Variants in RASSF8 observed in about 807,000 individuals in gnomAD.
RASSF8 encodes Ras association domain family member 8, also known as ras association domain-containing protein 8.
RASSF8 carries 22 observed loss-of-function variants against 48.5 expected under a neutral mutation model. That is an observed-to-expected ratio of 0.45 (90% CI 0.32 to 0.65). RASSF8 has a LOEUF of 0.65. RASSF8 is among the 30% of genes least tolerant of loss of function. The pLI, the probability that RASSF8 is intolerant of heterozygous loss-of-function variation, is 0.03. For synonymous variants in RASSF8, 127 were observed against 171.5 expected (o/e 0.74, Z 2.03); for missense variants, 418 against 489.2 (o/e 0.85, Z 1.37).
In RASSF8 at chr12:26,064,657, C is replaced by T; in HGVS notation, c.263C>T (p.Pro88Leu). 6.2e-7 allele frequency: 1 copy of T among 1,614,056 alleles called. No individual in the cohort carries two copies. The highest frequency in any genetic ancestry group is 8.5e-7 in the Non-Finnish European group (1 of 1,179,978). ...ACTGGGCCGTCTCTCAGTGAGCGAC[C>T]CACTTCAGACAGTGTGGCTCGAATT... ...RRTGPSLSER[P>L]TSDSVARIPE... Residue 88 changes from proline (P) to leucine (L), a missense_variant, in exon 4 of 6, where the codon CCC becomes CTC. Pro to Leu is a moderately conservative substitution (Grantham distance 98). Transcript: ENST00000689635.
At chr12:26,019,591 G>C (rs866041278) in intron 2 of RASSF8, among the ~76,000 whole-genome samples, 1 of 138,930 alleles carries the variant, frequency 7.2e-6, no homozygotes, top group Non-Finnish European at 1.5e-5. Flanking sequence ...GTGTGTGTGT[G>C]TGTGTGTGTG....
intron 2 of RASSF8, among the ~76,000 whole-genome samples, chr12:26,026,588 A>G (rs1342646127): frequency 6.6e-6 from 1 of 152,112 alleles, no homozygotes; most frequent in African/African-American, 2.4e-5. Context: ...GGCACACACC[A>G]CCATGCCCGG....
chr12:26,049,155 G>T (rs955863240), intron 2 of RASSF8, among the ~76,000 whole-genome samples: 2 of 152,166 alleles, frequency 1.3e-5, no homozygotes, highest in East Asian at 3.9e-4. Context: ...TGTCACAGAA[G>T]AATTCAGTCT....
intron 1 of RASSF8, among the ~76,000 whole-genome samples, chr12:25,966,111 C>T (rs1238774487): frequency 3.3e-5 from 5 of 152,170 alleles, no homozygotes; most frequent in Admixed American, 3.3e-4. Context: ...AACTGCCAAA[C>T]TGTTTTCCCA....
intron 2 of RASSF8, among the ~76,000 whole-genome samples, chr12:26,017,110 A>G (rs1173301044): frequency 1.3e-5 from 2 of 151,536 alleles, no homozygotes; most frequent in Admixed American, 1.3e-4. Flanking sequence ...TTTAGCCATA[A>G]GTAAATGAAA....
At chr12:26,025,625 A>C (rs1942894902) in intron 2 of RASSF8, among the ~76,000 whole-genome samples, 1 of 151,954 alleles carries the variant, frequency 6.6e-6, no homozygotes. Context: ...GTTTGCAGAG[A>C]ATACTACCTT....
chr12:26,058,013 A>G (rs892955837), intron 3 of RASSF8, among the ~76,000 whole-genome samples: 1 of 152,198 alleles, frequency 6.6e-6, no homozygotes, highest in Non-Finnish European at 1.5e-5. Context: ...TTCAAGGGGA[A>G]AATGCCCGGA....
chr12:25,962,317 A>T (rs776727481), intron 1 of RASSF8, among the ~76,000 whole-genome samples: 2 of 152,166 alleles, frequency 1.3e-5, no homozygotes, highest in Non-Finnish European at 2.9e-5. Flanking sequence ...GTGCTAGCTC[A>T]AATGTCCTTT....
At chr12:26,004,350 G>T (rs1381267282) in intron 2 of RASSF8, among the ~76,000 whole-genome samples, 1 of 152,086 alleles carries the variant, frequency 6.6e-6, no homozygotes, top group Non-Finnish European at 1.5e-5. Flanking sequence ...TGGAGGTGTG[G>T]GGCTCAGCAT....
intron 1 of RASSF8, among the ~76,000 whole-genome samples, chr12:25,964,591 A>G (rs1284504371): frequency 6.6e-6 from 1 of 152,152 alleles, no homozygotes; most frequent in African/African-American, 2.4e-5. Flanking sequence ...TAATTTTACT[A>G]TTGGAAAATC....
intron 1 of RASSF8, among the ~76,000 whole-genome samples, chr12:25,960,666 C>A (rs968160985): frequency 2.0e-5 from 3 of 152,144 alleles, no homozygotes; most frequent in African/African-American, 7.2e-5. Context: ...CTCCCCCTTC[C>A]TCATTTTTTT....
At chr12:25,997,405 C>G (rs1224343201) in intron 2 of RASSF8, among the ~76,000 whole-genome samples, 1 of 152,018 alleles carries the variant, frequency 6.6e-6, no homozygotes, top group East Asian at 1.9e-4. Flanking sequence ...TACTGTGCCT[C>G]TGGTAATGGA....
At chr12:26,051,681 A>G (rs966919496) in intron 2 of RASSF8, among the ~76,000 whole-genome samples, 4 of 152,196 alleles carry the variant, frequency 2.6e-5, no homozygotes, top group African/African-American at 4.8e-5. Flanking sequence ...ACCTCTGGGT[A>G]TGAGAGAAGT....
intron 2 of RASSF8, among the ~76,000 whole-genome samples, chr12:26,049,711 T>C (rs1300019471): frequency 6.6e-6 from 1 of 152,234 alleles, no homozygotes; most frequent in Non-Finnish European, 1.5e-5. Context: ...TCAGTGTAAA[T>C]TTGATGCTCA....
intron 2 of RASSF8, among the ~76,000 whole-genome samples, chr12:26,034,497 G>A (rs1484541598): frequency 6.6e-6 from 1 of 151,646 alleles, no homozygotes; most frequent in African/African-American, 2.4e-5. Context: ...CATGCAGCCC[G>A]CAGGCCACAT....
At chr12:26,047,455 T>A (rs1371951309) in intron 2 of RASSF8, among the ~76,000 whole-genome samples, 1 of 152,218 alleles carries the variant, frequency 6.6e-6, no homozygotes, top group East Asian at 1.9e-4. Flanking sequence ...CTTTAATATA[T>A]GTAAAACTTA....
chr12:26,032,385 T>C (rs1394825194), intron 2 of RASSF8, among the ~76,000 whole-genome samples: 1 of 152,176 alleles, frequency 6.6e-6, no homozygotes, highest in Non-Finnish European at 1.5e-5. Flanking sequence ...TAACAAACTT[T>C]GGAATGTTGA....
chr12:26,051,917 A>G (rs1943499504), intron 2 of RASSF8, among the ~76,000 whole-genome samples: 1 of 152,234 alleles, frequency 6.6e-6, no homozygotes, highest in South Asian at 2.1e-4. Context: ...TTCTTGCCTC[A>G]GAAACCCTGG....
chr12:26,029,937 G>A lies in RASSF8; in HGVS notation c.-108-25299G>A, dbSNP rs747216902. Among the ~76,000 whole-genome samples, 14 of 152,020 alleles carry A rather than the reference G, an allele frequency of 9.2e-5. No individual in the cohort carries two copies. The East Asian group carries it at 9.6e-4, about 10-fold the overall frequency. ...TCTGCCAGTAAATGACCACCAAATC[G>A]TCAGTTTTGTTTTTATTACAGTCTT... is the stretch of plus-strand genomic sequence containing the variant. On this transcript the variant is annotated intron_variant, in intron 2 of 5. Transcript: ENST00000689635.
Sources: allele counts gnomAD v4.1 joint callset (sites outside exome capture counted in the v4.1 genomes callset), GRCh38; gene constraint gnomAD v4.1.1; transcripts MANE v1.5; gene names NCBI Gene and HGNC (gene_info 2026-07-23, HGNC 2026-07-21).